The following CCDC62 variants were observed in gnomAD, a reference collection of about 807,000 sequenced individuals.
The protein encoded by CCDC62 is coiled-coil domain containing 62.
A neutral mutation model predicts 80.8 loss-of-function variants in CCDC62; 72 were observed. That is an observed-to-expected ratio of 0.89 (90% CI 0.74 to 1.08). CCDC62 has a LOEUF of 1.08. Ranked by LOEUF, CCDC62 falls within the 50% of genes least tolerant of loss-of-function variation. The pLI, the probability that CCDC62 is intolerant of heterozygous loss-of-function variation, is 0.00. For synonymous variants in CCDC62, 286 were observed against 296.5 expected (o/e 0.96, Z 0.36); for missense variants, 704 against 809.4 (o/e 0.87, Z 1.58).
Position 122,801,626 on chromosome 12 carries a change from G to A in CCDC62, c.1480G>A (p.Glu494Lys), listed in dbSNP as rs772319364. Residue 494 changes from glutamate (E) to lysine (K), a missense_variant, in exon 9 of 13, where the codon GAA becomes AAA. By Grantham distance (56) the Glu-to-Lys change is moderately conservative. Transcript: ENST00000253079. ...ATGTCAAGATCAGATGGAAAGGTCC[G>A]AAATCTCATGCTGCCAGAAAAATGA... ...VECQDQMERS[E>K]ISCCQKNEAC... 8 of 1,614,118 alleles carry A rather than the reference G, an allele frequency of 5.0e-6. No individual in the cohort carries two copies. The highest frequency in any genetic ancestry group is 1.1e-5 in the South Asian group (1 of 91,080).
intron 8 of CCDC62, among the ~76,000 whole-genome samples, chr12:122,800,604 A>T (rs2135558388): frequency 6.6e-6 from 1 of 151,744 alleles, no homozygotes; most frequent in Non-Finnish European, 1.5e-5. Flanking sequence ...ATTTTTGTAT[A>T]TTTAGTAGAT....
intron 5 of CCDC62, among the ~76,000 whole-genome samples, 175 bp from the exon 6 acceptor site, chr12:122,791,845 C>T (rs570661952): frequency 2.0e-5 from 3 of 152,336 alleles, no homozygotes; most frequent in African/African-American, 4.8e-5. Context: ...GCAAGCGAAG[C>T]CTCCAACCAG....
In CCDC62 at chr12:122,812,807, G is replaced by GAA. The variant is rs774973582; in HGVS notation, c.1852-461_1852-460dup. ...AGAAAGAAAGAAAGAAAGAAAGAAA[G>GAA]AAAGAAAGAAAGAAAGAAAGAAAAG... On this transcript the variant is annotated intron_variant, in intron 10 of 12. Transcript: ENST00000253079. Among the ~76,000 whole-genome samples, 28 of 142,574 alleles carry GAA rather than the reference G, an allele frequency of 2.0e-4. 3 individuals carry two copies. In the South Asian group the frequency reaches 3.8e-3, roughly 19 times the overall value. 93.5% of individuals were successfully genotyped at this position (142,574 alleles called of 152,430 possible).
chr12:122,817,208 C>T (rs1341851843), intron 11 of CCDC62, among the ~76,000 whole-genome samples: 5 of 117,818 alleles, frequency 4.2e-5, no homozygotes, highest in South Asian at 5.7e-4. Flanking sequence ...CCCGCCACCA[C>T]GCCTAGCTAA....
At chr12:122,817,821 C>T (rs1302641774) in intron 11 of CCDC62, among the ~76,000 whole-genome samples, 2 of 151,290 alleles carry the variant, frequency 1.3e-5, no homozygotes, top group Non-Finnish European at 3.0e-5. Flanking sequence ...TGCATGCATG[C>T]GTGTGTGTGT....
Position 122,826,595 on chromosome 12 carries a change from G to C in CCDC62, c.*214G>C. The C allele has an allele frequency of 3.4e-6, 2 of 586,140 alleles. No individual in the cohort carries two copies. The highest frequency in any genetic ancestry group is 4.6e-5 in the South Asian group (2 of 43,350). The allele number at this position is 586,140 out of a possible 1,614,324, so 36.3% of individuals were successfully genotyped here. On this transcript the variant is annotated 3_prime_UTR_variant, in exon 13 of 13. Transcript: ENST00000253079. Reference sequence around the variant, plus strand: ...CTTCATTTTCAAGTTAACCATTTTTGTGCTGAAGAAATATTTTCATGTGTA... The same window carrying C: ...CTTCATTTTCAAGTTAACCATTTTTCTGCTGAAGAAATATTTTCATGTGTA...
At position 122,814,977 on chromosome 12, in the gene CCDC62, ACGC is replaced by A. The variant is rs2135585120; in HGVS notation, c.2001+1559_2001+1561del. Among the ~76,000 whole-genome samples the A allele has an allele frequency of 1.3e-5, 2 of 151,658 alleles. 1 individual carries two copies. Among genetic ancestry groups the A allele is most frequent in the African/African-American group, 4.8e-5 (2 of 41,322 alleles). ...CTCCCAAGTAGCTGGGACCACAGGC[ACGC>A]ACTGCCATGCCCACTCTGTTTGCCA... On this transcript the variant is annotated intron_variant, in intron 11 of 12. Coordinates refer to ENST00000253079, the MANE Select transcript of CCDC62 (RefSeq NM_201435.5).
chr12:122,812,805 AAG>A (rs199697729), intron 10 of CCDC62, among the ~76,000 whole-genome samples: 3,070 of 148,798 alleles, frequency 0.021, 99 homozygotes, highest in South Asian at 0.044. Context: ...GAAAGAAAGA[AAG>A]AAAGAAAGAA....
intron 5 of CCDC62, among the ~76,000 whole-genome samples, chr12:122,790,492 C>T (rs1029958888): frequency 2.0e-5 from 3 of 151,998 alleles, no homozygotes; most frequent in African/African-American, 7.3e-5. Context: ...ATGGCAGAAC[C>T]CTGTCTCTAC....
Position 122,796,745 on chromosome 12 carries a change from T to C in CCDC62, c.773-562T>C, listed in dbSNP as rs1316888698. Among the ~76,000 whole-genome samples the C allele has an allele frequency of 2.0e-5, 3 of 152,188 alleles. No homozygotes were observed. The East Asian group carries it at 5.8e-4, about 29-fold the overall frequency. ...ACCCCCATCTCTATTTTTAAAAATA[T>C]TTTATCTTTTAAAATTTTTAAATAA... On this transcript the variant is annotated intron_variant, in intron 6 of 12. Transcript: ENST00000253079.
intron 10 of CCDC62, among the ~76,000 whole-genome samples, chr12:122,808,278 CAG>C (rs2031710425): frequency 6.6e-6 from 1 of 152,072 alleles, no homozygotes; most frequent in Non-Finnish European, 1.5e-5. Flanking sequence ...GCCTGGGTGA[CAG>C]AGCGAGATTC....
At chr12:122,798,864 G>C (rs975696228) in intron 8 of CCDC62, among the ~76,000 whole-genome samples, 1 of 152,040 alleles carries the variant, frequency 6.6e-6, no homozygotes, top group East Asian at 1.9e-4. Context: ...TGGATCACGA[G>C]GTCAGGAGAT....
intron 4 of CCDC62, 49 bp downstream of exon 4, chr12:122,785,869 T>G: frequency 8.2e-7 from 1 of 1,215,566 alleles, no homozygotes; most frequent in Non-Finnish European, 1.2e-6. Context: ...TTGGTAGTTA[T>G]ATCCATATTC....
At chr12:122,788,135 C>T (rs1650040580) in intron 4 of CCDC62, among the ~76,000 whole-genome samples, 1 of 152,094 alleles carries the variant, frequency 6.6e-6, no homozygotes, top group South Asian at 2.1e-4. Context: ...ACAGTTATTC[C>T]AGGTGAGTGG....
intron 11 of CCDC62, among the ~76,000 whole-genome samples, chr12:122,822,657 T>A: frequency 7.9e-6 from 1 of 127,138 alleles, no homozygotes; most frequent in African/African-American, 3.5e-5. Context: ...CACTGTAAGC[T>A]CCGCCTCCCG....
intron 11 of CCDC62, among the ~76,000 whole-genome samples, chr12:122,814,886 C>T (rs1327917153): frequency 1.3e-5 from 2 of 151,380 alleles, no homozygotes; most frequent in African/African-American, 2.4e-5. Context: ...AGTAGCTATT[C>T]GCAGGCGTGA....
At chr12:122,821,045 G>A (rs537685797) in intron 11 of CCDC62, among the ~76,000 whole-genome samples, 1 of 152,150 alleles carries the variant, frequency 6.6e-6, no homozygotes, top group East Asian at 1.9e-4. Flanking sequence ...GGGTCACCAC[G>A]GAATGCACTG....
chr12:122,802,410 C>CAT (rs1555256373), intron 9 of CCDC62, among the ~76,000 whole-genome samples: 1 of 126,870 alleles, frequency 7.9e-6, no homozygotes, highest in African/African-American at 3.0e-5. Context: ...TATCTCTACA[C>CAT]TTTTTTTTTT....
intron 1 of CCDC62, chr12:122,776,754 T>C (rs1593773846): frequency 6.6e-6 from 1 of 152,184 alleles, no homozygotes; most frequent in Non-Finnish European, 1.5e-5. Context: ...ATTCCCATTG[T>C]TTAGTAAGGA....
Sources: allele counts gnomAD v4.1 joint callset (sites outside exome capture counted in the v4.1 genomes callset), GRCh38; gene constraint gnomAD v4.1.1; transcripts MANE v1.5; gene names NCBI Gene and HGNC (gene_info 2026-07-23, HGNC 2026-07-21).